SHANK2: variants seen among roughly 807,000 people sequenced by gnomAD.
SHANK2 encodes the protein SH3 and multiple ankyrin repeat domains 2, also known as SH3 and multiple ankyrin repeat domains protein 2.
SHANK2 carries 43 observed loss-of-function variants against 133.7 expected under a neutral mutation model. The ratio of observed to expected loss-of-function variants is 0.32; its 90% CI spans 0.25 to 0.41. The LOEUF (loss-of-function observed/expected upper bound fraction) is 0.41, where lower values mean the gene tolerates loss of function less well. Ranked by LOEUF, SHANK2 falls within the 10% of genes least tolerant of loss-of-function variation. The probability of loss-of-function intolerance (pLI) is 1.00; values close to 1 mark genes in which losing one functional copy is unlikely to be tolerated. For missense variants in SHANK2, 1,994 were observed against 2,235.8 expected (o/e 0.89, Z 2.18); for synonymous variants, 1,017 against 952.8 (o/e 1.07, Z -1.24).
At chr11:71,114,973 T>C (rs1053181650) in intron 4 of SHANK2, among the ~76,000 whole-genome samples, 4 of 152,188 alleles carry the variant, frequency 2.6e-5, no homozygotes, top group Non-Finnish European at 4.4e-5. Flanking sequence ...TTATAGCCCA[T>C]AGCTACAGAG....
chr11:70,538,355 G>T (rs2059571162), intron 17 of SHANK2, among the ~76,000 whole-genome samples: 1 of 152,256 alleles, frequency 6.6e-6, no homozygotes, highest in Non-Finnish European at 1.5e-5. Context: ...GTCCCGAGGG[G>T]CTTGGCCAAG....
intron 17 of SHANK2, among the ~76,000 whole-genome samples, chr11:70,564,460 G>A (rs1038859579): frequency 2.5e-4 from 38 of 151,738 alleles, no homozygotes; most frequent in Admixed American, 1.9e-3. Context: ...GGGTTTCACC[G>A]TGTTGGCCAG....
In SHANK2 at chr11:70,875,512, A is replaced by T. The variant is rs1555071022; in HGVS notation, c.1174+20989T>A. Among the ~76,000 whole-genome samples the T allele has an allele frequency of 2.1e-5, 3 of 140,744 alleles. No homozygotes were observed. The East Asian group carries it at 6.5e-4, about 30-fold the overall frequency. 92.3% of individuals were successfully genotyped at this position (140,744 alleles called of 152,430 possible). ...GCACTCCAGCCTGGGAGACAGAGTG[A>T]GACTCCGTCTCAAACAACAACAACA... is the stretch of plus-strand genomic sequence containing the variant. On this transcript the variant is annotated intron_variant, in intron 11 of 25. Transcript: ENST00000601538.
intron 17 of SHANK2, among the ~76,000 whole-genome samples, chr11:70,561,605 T>C (rs1341986549): frequency 6.6e-6 from 1 of 151,998 alleles, no homozygotes. Flanking sequence ...CATAGCTCAC[T>C]GTAGCTTCAA....
intron 15 of SHANK2, among the ~76,000 whole-genome samples, chr11:70,664,503 G>A (rs1555014344): frequency 6.6e-6 from 1 of 152,162 alleles, no homozygotes; most frequent in African/African-American, 2.4e-5. Flanking sequence ...CCGAACCCTG[G>A]GGTCTGGAGC....
Position 70,768,843 on chromosome 11 carries a change from G to A in SHANK2, c.1777+29600C>T, listed in dbSNP as rs116523556. Among the ~76,000 whole-genome samples the A allele has an allele frequency of 7.1e-3, 1,076 of 152,114 alleles. 14 individuals are homozygous for A. The highest frequency in any genetic ancestry group is 0.025 in the African/African-American group (1,029 of 41,466). ...TTGGCTCTGGCTCCTGGCTTCCAAG[G>A]TTCTCACCCTGCACATGGGAAGAGG... On this transcript the variant is annotated intron_variant, in intron 14 of 25. Transcript: ENST00000601538.
chr11:71,073,156 C>CTTTTCTT (rs1951169430), intron 9 of SHANK2, among the ~76,000 whole-genome samples: 1 of 40,780 alleles, frequency 2.5e-5, no homozygotes, highest in Non-Finnish European at 5.5e-5. Flanking sequence ...TCTTTTTTTT[C>CTTTTCTT]TTTTTTTTCT....
At chr11:70,835,516 G>A (rs1385643491) in intron 11 of SHANK2, among the ~76,000 whole-genome samples, 5 of 152,308 alleles carry the variant, frequency 3.3e-5, no homozygotes, top group East Asian at 1.9e-4. Flanking sequence ...ACCAGGGGCC[G>A]AGGTGCAGGC....
rs61886412 is a variant in SHANK2 at position 70,692,242 on chromosome 11, G to A, written c.1853+6446C>T. On this transcript the variant is annotated intron_variant, in intron 15 of 25. Coordinates refer to ENST00000601538, the MANE Select transcript of SHANK2 (RefSeq NM_012309.5). ...ACACACTGAGGCAGTCTTCTAGAGCGCAGAGTTAGGGTTTCAAAGGAAAGC... is the reference window on the plus strand; with the variant it reads ...ACACACTGAGGCAGTCTTCTAGAGCACAGAGTTAGGGTTTCAAAGGAAAGC... Among the ~76,000 whole-genome samples the A allele has an allele frequency of 3.8e-3, 574 of 152,310 alleles. 3 individuals carry two copies. The highest frequency in any genetic ancestry group is 5.9e-3 in the Admixed American group (90 of 15,298).
At chr11:70,558,366 C>T (rs868948806) in intron 17 of SHANK2, among the ~76,000 whole-genome samples, 2 of 152,232 alleles carry the variant, frequency 1.3e-5, no homozygotes, top group Non-Finnish European at 2.9e-5. Flanking sequence ...GCGTCAGCAT[C>T]GGGCTCAGCC....
chr11:70,947,182 C>T (rs928372578), intron 10 of SHANK2, among the ~76,000 whole-genome samples: 9 of 135,152 alleles, frequency 6.7e-5, no homozygotes, highest in African/African-American at 2.4e-4. Flanking sequence ...CACACACACA[C>T]ACACACTCGT....
chr11:70,498,003 C>CTGGGGGAAAGCAGCAGACCAGACCT (rs2058995568), intron 21 of SHANK2, among the ~76,000 whole-genome samples: 1 of 152,240 alleles, frequency 6.6e-6, no homozygotes, highest in East Asian at 1.9e-4. Flanking sequence ...TCAGAACCTT[C>CTGGGGGAAAGCAGCAGACCAGACCT]TGGGGGAAAG....
chr11:70,722,628 A>G (rs907814949), intron 14 of SHANK2, among the ~76,000 whole-genome samples: 28 of 152,234 alleles, frequency 1.8e-4, no homozygotes, highest in African/African-American at 6.3e-4. Flanking sequence ...ATCCTTGCAC[A>G]TCATTGTTTG....
intron 9 of SHANK2, among the ~76,000 whole-genome samples, chr11:71,059,055 A>G (rs1418613781): frequency 6.6e-6 from 1 of 152,206 alleles, no homozygotes; most frequent in African/African-American, 2.4e-5. Flanking sequence ...TGTCTCTACC[A>G]AAAATACAAA....
Position 70,500,036 on chromosome 11 carries a change from G to A in SHANK2, c.2308+534C>T, listed in dbSNP as rs1023667376. The stretch of plus-strand genomic sequence containing the variant: ...GAGTCTATCTGGGGCCTGCGGTCCG[G>A]CTGCCCACAGCCACAGTGACTGCCA... On this transcript the variant is annotated intron_variant, in intron 21 of 25. Coordinates refer to ENST00000601538, the MANE Select transcript of SHANK2 (RefSeq NM_012309.5). This position sits in a 1 kb window ranked among gnomAD's most constrained non-coding sequence, Gnocchi z 4.5. Among the ~76,000 whole-genome samples, 1 of 152,170 alleles carries A rather than the reference G, an allele frequency of 6.6e-6. No individual in the cohort carries two copies. Among genetic ancestry groups the A allele is most frequent in the Non-Finnish European group, 1.5e-5 (1 of 68,026 alleles).
At chr11:70,826,590 G>A in intron 11 of SHANK2, 6 of 467,098 alleles carry the variant, frequency 1.3e-5, no homozygotes, top group South Asian at 9.3e-5. Flanking sequence ...GCCCCTCGGT[G>A]CTAGAGCAGC....
At chr11:70,788,127 G>A (rs192008412) in intron 14 of SHANK2, among the ~76,000 whole-genome samples, 101 of 152,322 alleles carry the variant, frequency 6.6e-4, no homozygotes, top group Admixed American at 4.6e-3. Context: ...GAGAGCAGGT[G>A]GATCCCAGAA....
chr11:70,908,526 A>G (rs1348363607), intron 10 of SHANK2, among the ~76,000 whole-genome samples: 5 of 152,182 alleles, frequency 3.3e-5, no homozygotes, highest in Admixed American at 6.5e-5. Flanking sequence ...TGCAGCTCAG[A>G]CATGGTCATG....
chr11:70,768,791 G>A (rs1481347059), intron 14 of SHANK2, among the ~76,000 whole-genome samples: 2 of 152,156 alleles, frequency 1.3e-5, no homozygotes, highest in Non-Finnish European at 2.9e-5. Context: ...GTGTGAGGGT[G>A]AGGCCAAGGA....
Sources: gnomAD v4.1 joint callset for allele counts (sites outside exome capture counted in the v4.1 genomes callset) on GRCh38, gnomAD v4.1.1 for gene constraint, Gnocchi (gnomAD v3.1) non-coding constraint, MANE v1.5 for transcripts, NCBI Gene and HGNC (gene_info 2026-07-23, HGNC 2026-07-21) for gene names.